PCDH9: variants seen among roughly 807,000 people sequenced by gnomAD.
The protein encoded by PCDH9 is protocadherin 9, also known as protocadherin-9.
A neutral mutation model predicts 70.6 loss-of-function variants in PCDH9; 24 were observed. That is an observed-to-expected ratio of 0.34 (90% CI 0.25 to 0.48). The LOEUF (loss-of-function observed/expected upper bound fraction) is 0.48. Among genes scored for constraint, PCDH9 ranks in the 20% least tolerant of loss-of-function variants. The probability of loss-of-function intolerance (pLI) is 0.99; values close to 1 mark genes in which losing one functional copy is unlikely to be tolerated. For missense variants in PCDH9, 1,281 were observed against 1,503.6 expected (o/e 0.85, Z 2.45); for synonymous variants, 562 against 558.5 (o/e 1.01, Z -0.09).
intron 2 of PCDH9, among the ~76,000 whole-genome samples, chr13:66,974,320 C>A: frequency 6.6e-6 from 1 of 151,974 alleles, no homozygotes; most frequent in East Asian, 1.9e-4. Context: ...AAAAGAAAAT[C>A]TCAGCTCTGC....
chr13:66,611,114 A>T (rs1026737962), intron 4 of PCDH9, among the ~76,000 whole-genome samples: 2 of 152,226 alleles, frequency 1.3e-5, no homozygotes, highest in Non-Finnish European at 2.9e-5. Flanking sequence ...ACACAAAAAC[A>T]TGAAAAAATA....
rs532073179 is a variant in PCDH9, at chr13:66,892,440, C to T, written c.3138+11064G>A. On this transcript the variant is annotated intron_variant, in intron 3 of 4. Transcript: ENST00000377865. ...CAATGAAACTGGAGTGGCCTGACAT[C>T]CAAAATTTAGCTACATGTGTGTCAT... Among the ~76,000 whole-genome samples the T allele has an allele frequency of 2.0e-5, 3 of 151,820 alleles. No individual in the cohort carries two copies. The East Asian group carries it at 5.8e-4, about 29-fold the overall frequency.
chr13:67,050,902 T>C (rs985481319), intron 2 of PCDH9, among the ~76,000 whole-genome samples: 20 of 152,228 alleles, frequency 1.3e-4, no homozygotes, highest in African/African-American at 4.8e-4. Context: ...ATCACCCTAC[T>C]GTCTATTTTA....
chr13:66,484,242 T>C (rs1368816974), intron 4 of PCDH9, among the ~76,000 whole-genome samples: 1 of 152,132 alleles, frequency 6.6e-6, no homozygotes, highest in African/African-American at 2.4e-5. Context: ...TAACACCAGC[T>C]GCCTATAGAT....
chr13:66,758,218 C>A (rs1177933357), intron 3 of PCDH9, among the ~76,000 whole-genome samples: 1 of 151,820 alleles, frequency 6.6e-6, no homozygotes. Context: ...ACACTTATCT[C>A]CTTTTGCATT....
chr13:67,226,139 C>T lies in PCDH9; in HGVS notation c.2302G>A (p.Val768Met). ...TCGTTAACATAAAGGAATACAAGCA[C>T]AAGCGTGTGCAAAGACTTAGGGTAC... ...LGYPKSLHTL[V>M]LVFLYVNDTA... is the part of the protein sequence containing the mutation. The change falls in exon 2 of 5, where the codon GTG (valine) becomes ATG (methionine). Residue 768 changes from valine to methionine, a missense_variant. By Grantham distance (21) the Val-to-Met change is conservative. This residue lies in a region of PCDH9 where 798 missense variants were observed against 1,003.1 expected (regional missense o/e 0.80). Transcript: ENST00000377865. This position sits in a 1 kb window ranked among gnomAD's most constrained non-coding sequence, Gnocchi z 5.0. 1 of 1,614,120 alleles carries T rather than the reference C, an allele frequency of 6.2e-7. No individual in the cohort carries two copies. The highest frequency in any genetic ancestry group is 2.2e-5 in the East Asian group (1 of 44,876).
intron 4 of PCDH9, among the ~76,000 whole-genome samples, chr13:66,398,731 ATC>A (rs1957143401): frequency 6.6e-6 from 1 of 152,224 alleles, no homozygotes; most frequent in Non-Finnish European, 1.5e-5. Flanking sequence ...TTATTAAAAT[ATC>A]TGTGTGCAAT....
chr13:67,004,149 T>G (rs1031654950), intron 2 of PCDH9, among the ~76,000 whole-genome samples: 1 of 152,202 alleles, frequency 6.6e-6, no homozygotes, highest in Admixed American at 6.5e-5. Context: ...ACTTTTTTTT[T>G]TTGTTATATA....
chr13:66,390,026 A>T (rs1956990814), intron 4 of PCDH9, among the ~76,000 whole-genome samples: 1 of 152,220 alleles, frequency 6.6e-6, no homozygotes, highest in Admixed American at 6.5e-5. Context: ...AGAGACAAAG[A>T]CAGAAACTGA....
chr13:66,836,497 C>T (rs2081020688), intron 3 of PCDH9, among the ~76,000 whole-genome samples: 3 of 151,996 alleles, frequency 2.0e-5, no homozygotes. Context: ...AATTTCCTTT[C>T]TTTGTTGTAT....
At chr13:67,114,119 A>T (rs1336550270) in intron 2 of PCDH9, among the ~76,000 whole-genome samples, 1 of 152,236 alleles carries the variant, frequency 6.6e-6, no homozygotes, top group Non-Finnish European at 1.5e-5. Flanking sequence ...AAAAAGGCAG[A>T]CAAAATCATC....
chr13:66,847,825 G>C (rs2081238842), intron 3 of PCDH9, among the ~76,000 whole-genome samples: 2 of 152,194 alleles, frequency 1.3e-5, no homozygotes, highest in Admixed American at 1.3e-4. Flanking sequence ...ACATGGGATG[G>C]AGCAGGACAG....
chr13:66,456,905 T>C (rs538421371), intron 4 of PCDH9, among the ~76,000 whole-genome samples: 1 of 152,272 alleles, frequency 6.6e-6, no homozygotes, highest in East Asian at 1.9e-4. Flanking sequence ...CTTTTTGCTG[T>C]ATTTTATTGA....
chr13:66,473,076 G>GT (rs1251337816), intron 4 of PCDH9, among the ~76,000 whole-genome samples: 34 of 151,922 alleles, frequency 2.2e-4, no homozygotes, highest in Non-Finnish European at 4.1e-4. Flanking sequence ...ACAACTGACA[G>GT]TTGGAGTTTC....
intron 4 of PCDH9, among the ~76,000 whole-genome samples, chr13:66,626,356 C>T (rs2077498984): frequency 6.6e-6 from 1 of 152,136 alleles, no homozygotes; most frequent in Non-Finnish European, 1.5e-5. Flanking sequence ...AGTAATGATC[C>T]ATGCTGTCCA....
chr13:66,556,694 A>T (rs1442403197), intron 4 of PCDH9, among the ~76,000 whole-genome samples: 1 of 152,188 alleles, frequency 6.6e-6, no homozygotes, highest in East Asian at 1.9e-4. Context: ...AAAAATTTTT[A>T]AAGTAAAACA....
intron 4 of PCDH9, among the ~76,000 whole-genome samples, chr13:66,490,519 C>T (rs1047236783): frequency 2.6e-5 from 4 of 151,724 alleles, no homozygotes; most frequent in Non-Finnish European, 5.9e-5. Flanking sequence ...AGATTCAGCA[C>T]AAGGTTTATT....
At chr13:67,043,989 T>C (rs966615896) in intron 2 of PCDH9, among the ~76,000 whole-genome samples, 3 of 152,106 alleles carry the variant, frequency 2.0e-5, no homozygotes, top group African/African-American at 7.2e-5. Flanking sequence ...CTAGCTCAAA[T>C]TGGTTTAGGC....
chr13:66,903,926 G>A (rs2082317683), intron 2 of PCDH9, among the ~76,000 whole-genome samples: 1 of 151,846 alleles, frequency 6.6e-6, no homozygotes, highest in Non-Finnish European at 1.5e-5. Flanking sequence ...CTATTTGGGT[G>A]AGATATTATT....
Sources: allele counts gnomAD v4.1 joint callset (sites outside exome capture counted in the v4.1 genomes callset), GRCh38; gene constraint gnomAD v4.1.1; regional missense constraint gnomAD v4.1.1; non-coding constraint Gnocchi (gnomAD v3.1); transcripts MANE v1.5; gene names NCBI Gene and HGNC (gene_info 2026-07-23, HGNC 2026-07-21).